Variants in RFPL1 observed in about 807,000 individuals in gnomAD.
The protein encoded by RFPL1 is ret finger protein like 1.
A neutral mutation model predicts 9.6 loss-of-function variants in RFPL1; 6 were observed. That is an observed-to-expected ratio of 0.62 (90% CI 0.34 to 1.23). The LOEUF is 1.23. Among genes scored for constraint, RFPL1 ranks in the 50% most tolerant of loss-of-function variants. The pLI is 0.03. For missense variants in RFPL1, 352 were observed against 398.4 expected, an observed-to-expected ratio of 0.88 and a Z score of 0.99; for synonymous variants, 145 against 149.4, an observed-to-expected ratio of 0.97 and a Z score of 0.22.
the RFPL1 span, among the ~76,000 whole-genome samples, chr22:29,432,289 C>T: frequency 7.5e-4 from 114 of 152,318 alleles, 1 homozygote; most frequent in Admixed American, 3.7e-3. Context: ...GGAATTTGCT[C>T]AGGTGACAGT....
At chr22:29,398,137 G>A in the RFPL1 span, among the ~76,000 whole-genome samples, 2 of 152,162 alleles carry the variant, frequency 1.3e-5, no homozygotes, top group East Asian at 1.9e-4. Flanking sequence ...ACCACCACTG[G>A]GGCTGCACTC....
the RFPL1 span, among the ~76,000 whole-genome samples, chr22:29,429,396 G>A: frequency 6.6e-6 from 1 of 152,106 alleles, no homozygotes; most frequent in African/African-American, 2.4e-5. Context: ...TTGACAAACT[G>A]TGAGCTAGGC....
chr22:29,429,098 C>T, the RFPL1 span, among the ~76,000 whole-genome samples: 1 of 152,132 alleles, frequency 6.6e-6, no homozygotes, highest in African/African-American at 2.4e-5. Context: ...CTCTGTCACC[C>T]AGTCTGGAGT....
At chr22:29,430,896 C>T in the RFPL1 span, among the ~76,000 whole-genome samples, 1 of 152,194 alleles carries the variant, frequency 6.6e-6, no homozygotes, top group Admixed American at 6.5e-5. Flanking sequence ...ATATACATGG[C>T]CTAATTTAGA....
At chr22:29,417,938 G>GTTTT in the RFPL1 span, among the ~76,000 whole-genome samples, 4 of 129,380 alleles carry the variant, frequency 3.1e-5, no homozygotes, top group Non-Finnish European at 6.5e-5. Flanking sequence ...ACCTTGAATG[G>GTTTT]TTTTTTTTTT....
At chr22:29,406,589 G>A in the RFPL1 span, among the ~76,000 whole-genome samples, 1 of 152,364 alleles carries the variant, frequency 6.6e-6, no homozygotes, top group South Asian at 2.1e-4. Context: ...TGCACAGTCT[G>A]TTTTAAGTGC....
the RFPL1 span, among the ~76,000 whole-genome samples, chr22:29,394,468 G>A: frequency 6.6e-6 from 1 of 152,118 alleles, no homozygotes; most frequent in African/African-American, 2.4e-5. Context: ...TCAGCCTCCC[G>A]AGTAGCTGGG....
At chr22:29,437,691 T>C, upstream of RFPL1, 2 of 1,584,838 alleles carry the variant, frequency 1.3e-6, no homozygotes, top group Admixed American at 3.9e-5. Context: ...GAGCGCCCAG[T>C]GGAAGCAGCT....
chr22:29,414,803 G>A, the RFPL1 span, among the ~76,000 whole-genome samples: 27 of 150,868 alleles, frequency 1.8e-4, no homozygotes, highest in Non-Finnish European at 3.2e-4. Flanking sequence ...GAGTTATGAA[G>A]CTACCTTTTT....
the RFPL1 span, among the ~76,000 whole-genome samples, chr22:29,420,639 T>TG: frequency 7.7e-6 from 1 of 129,872 alleles, no homozygotes; most frequent in Non-Finnish European, 1.7e-5. Context: ...TTTTGCTTTT[T>TG]TTTTTTTTTT....
the RFPL1 span, among the ~76,000 whole-genome samples, chr22:29,420,733 C>T: frequency 1.3e-5 from 2 of 148,290 alleles, no homozygotes; most frequent in East Asian, 4.1e-4. Context: ...TTCCACATCC[C>T]GGGTTCAAGC....
the RFPL1 span, among the ~76,000 whole-genome samples, chr22:29,429,800 C>T: frequency 1.3e-5 from 2 of 152,164 alleles, no homozygotes; most frequent in Admixed American, 1.3e-4. Flanking sequence ...AAAATCAACA[C>T]ATAAAAATCA....
At chr22:29,398,954 A>G in the RFPL1 span, among the ~76,000 whole-genome samples, 1 of 152,194 alleles carries the variant, frequency 6.6e-6, no homozygotes, top group Non-Finnish European at 1.5e-5. Flanking sequence ...TGACTCCCTT[A>G]CTAGAAGACA....
At chr22:29,437,747 G>T (rs541156584), upstream of RFPL1, 85 of 1,576,028 alleles carry the variant, frequency 5.4e-5, 1 homozygote, top group South Asian at 9.6e-4. Flanking sequence ...CCATGCCTGT[G>T]TGTGTGTTTT....
At chr22:29,434,163 T>A (rs1322155173), upstream of RFPL1, among the ~76,000 whole-genome samples, 3 of 152,314 alleles carry the variant, frequency 2.0e-5, no homozygotes, top group Non-Finnish European at 2.9e-5. Context: ...GATCTAATAG[T>A]ATAATAAATA....
chr22:29,415,901 T>C, the RFPL1 span, among the ~76,000 whole-genome samples: 1 of 152,198 alleles, frequency 6.6e-6, no homozygotes, highest in East Asian at 1.9e-4. Context: ...ATCTTCAGCC[T>C]ACAGGCTAAA....
chr22:29,397,174 G>T, the RFPL1 span, among the ~76,000 whole-genome samples: 2 of 152,142 alleles, frequency 1.3e-5, no homozygotes, highest in Non-Finnish European at 2.9e-5. Flanking sequence ...CTCCCAAAGT[G>T]CTGGGATTAC....
At chr22:29,402,629 A>C in the RFPL1 span, among the ~76,000 whole-genome samples, 1 of 151,960 alleles carries the variant, frequency 6.6e-6, no homozygotes, top group Admixed American at 6.6e-5. Context: ...CACTTGTAAG[A>C]CAGGAGAGAA....
chr22:29,389,795 T>G, the RFPL1 span, among the ~76,000 whole-genome samples: 5 of 73,752 alleles, frequency 6.8e-5, no homozygotes, highest in East Asian at 1.8e-3. Context: ...AGATCATTTG[T>G]TTTTTTTTGT....
Sources: allele counts gnomAD v4.1 joint callset (sites outside exome capture counted in the v4.1 genomes callset), GRCh38; gene constraint gnomAD v4.1.1; transcripts MANE v1.5; gene names NCBI Gene and HGNC (gene_info 2026-07-23, HGNC 2026-07-21).